Variants in SMPD3 observed in about 807,000 individuals in gnomAD.
SMPD3 encodes the protein sphingomyelin phosphodiesterase 3.
SMPD3 carries 21 observed loss-of-function variants against 55.7 expected under a neutral mutation model. The observed-to-expected ratio is 0.38, with a 90% CI of 0.27 to 0.54. The LOEUF is 0.54. SMPD3 is among the 20% of genes least tolerant of loss of function. The pLI is 0.80. For synonymous variants in SMPD3, 457 were observed against 404.3 expected, an observed-to-expected ratio of 1.13 and a Z score of -1.56; for missense variants, 842 against 899.6, an observed-to-expected ratio of 0.94 and a Z score of 0.82.
intron 1 of SMPD3, among the ~76,000 whole-genome samples, chr16:68,392,226 T>C (rs1467341527): frequency 6.6e-6 from 1 of 152,224 alleles, no homozygotes; most frequent in Non-Finnish European, 1.5e-5. Context: ...GCAAAAGTAA[T>C]AGACATTCCA....
intron 1 of SMPD3, among the ~76,000 whole-genome samples, chr16:68,431,689 A>G (rs1419583119): frequency 1.3e-5 from 2 of 152,252 alleles, no homozygotes; most frequent in Admixed American, 6.5e-5. Flanking sequence ...TGGGAGGCCA[A>G]GGCAGGCGGA....
chr16:68,410,588 C>T (rs547572017), intron 1 of SMPD3, among the ~76,000 whole-genome samples: 1 of 152,300 alleles, frequency 6.6e-6, no homozygotes, highest in East Asian at 1.9e-4. Flanking sequence ...ACCTAAGGCT[C>T]ATTAAAAAGC....
intron 1 of SMPD3, among the ~76,000 whole-genome samples, chr16:68,416,957 AG>A (rs2090344827): frequency 6.6e-6 from 1 of 151,910 alleles, no homozygotes; most frequent in African/African-American, 2.4e-5. Context: ...CAGTCACAAA[AG>A]CTGTACCCAA....
chr16:68,424,560 T>C (rs1393332095), intron 1 of SMPD3, among the ~76,000 whole-genome samples: 1 of 152,170 alleles, frequency 6.6e-6, no homozygotes, highest in Non-Finnish European at 1.5e-5. Context: ...GTAATCATAG[T>C]AGCTGCATCA....
intron 2 of SMPD3, among the ~76,000 whole-genome samples, chr16:68,373,554 C>T (rs550436525): frequency 2.2e-4 from 34 of 152,168 alleles, no homozygotes; most frequent in Non-Finnish European, 4.1e-4. Flanking sequence ...CATCCTGGCC[C>T]CACACCCTCT....
At chr16:68,361,836 T>TG in intron 7 of SMPD3, 77 bp from the exon 8 acceptor site, 4 of 1,254,758 alleles carry the variant, frequency 3.2e-6, no homozygotes, top group African/African-American at 1.5e-5. Flanking sequence ...TGTGGAGCCA[T>TG]GGTCTCCTCC....
rs141291806 is a variant in SMPD3, at chr16:68,371,425, C to A, written c.757G>T (p.Gly253Cys). 6.4e-7 allele frequency: 1 copy of A among 1,573,150 alleles called. No homozygotes were observed. ...CIVRIGGEEG[G>C]RPPEADDPVP... Reference sequence around the variant, plus strand: ...GGGTCGTCAGCTTCAGGTGGCCGGCCGCCCTCCTCGCCACCGATGCGCACG... The same window carrying A: ...GGGTCGTCAGCTTCAGGTGGCCGGCAGCCCTCCTCGCCACCGATGCGCACG... Residue 253 changes from glycine to cysteine, a missense_variant, in exon 3 of 9, where the codon GGC (glycine) becomes TGC (cysteine). Physicochemically the swap from Gly to Cys is radical, Grantham distance 159. Coordinates refer to ENST00000219334, the MANE Select transcript of SMPD3 (RefSeq NM_018667.4).
intron 1 of SMPD3, among the ~76,000 whole-genome samples, chr16:68,387,961 G>T (rs1002757984): frequency 1.3e-5 from 2 of 152,324 alleles, no homozygotes; most frequent in African/African-American, 4.8e-5. Context: ...CACAGAAAAG[G>T]CTTGGGCTCT....
At position 68,365,108 on chromosome 16, in the gene SMPD3, G is replaced by A. The variant is rs369930334; in HGVS notation, c.1324-16C>T. 126 of 1,613,386 alleles carry A rather than the reference G, an allele frequency of 7.8e-5. 1 individual carries two copies. Among genetic ancestry groups the A allele is most frequent in the Non-Finnish European group, 9.4e-5 (111 of 1,179,762 alleles). On this transcript the variant is annotated splice_polypyrimidine_tract_variant and intron_variant, in intron 3 of 8. Transcript: ENST00000219334. ...CCACCTGCACCTGGGGGAGGAGGGG[G>A]TCAGTGCTGCCACCTGCCAGTCACT...
intron 1 of SMPD3, among the ~76,000 whole-genome samples, chr16:68,412,065 T>C (rs1465211724): frequency 1.3e-5 from 2 of 152,142 alleles, no homozygotes; most frequent in South Asian, 4.1e-4. Context: ...GAAAGTGCAG[T>C]GCACGGGGCC....
chr16:68,361,857 G>A (rs1038168521), intron 7 of SMPD3, 98 bp from the exon 8 acceptor site: 3 of 1,314,660 alleles, frequency 2.3e-6, no homozygotes, highest in East Asian at 3.0e-5. Context: ...CAGTGTGGGA[G>A]CGGGTGGGTG....
At chr16:68,419,957 C>G (rs1240564600) in intron 1 of SMPD3, among the ~76,000 whole-genome samples, 1 of 148,328 alleles carries the variant, frequency 6.7e-6, no homozygotes, top group Non-Finnish European at 1.5e-5. Flanking sequence ...ATTATTGGAA[C>G]ATGTAGTATC....
chr16:68,422,222 T>C (rs1034530198), intron 1 of SMPD3, among the ~76,000 whole-genome samples: 4 of 152,208 alleles, frequency 2.6e-5, no homozygotes, highest in East Asian at 1.9e-4. Context: ...AACTGTAAGA[T>C]AACATATTCC....
At chr16:68,367,826 T>C (rs997027000) in intron 3 of SMPD3, 1 of 152,268 alleles carries the variant, frequency 6.6e-6, no homozygotes, top group Non-Finnish European at 1.5e-5. Context: ...GGCTGTGCCT[T>C]TGAGTCCTGG....
chr16:68,363,406 G>A, intron 7 of SMPD3, 90 bp downstream of exon 7: 2 of 1,430,202 alleles, frequency 1.4e-6, no homozygotes, highest in Non-Finnish European at 2.0e-6. Flanking sequence ...ATGAGCCCGA[G>A]CTGAGCTCTC....
In SMPD3 at chr16:68,363,554, G is replaced by C; in HGVS notation, c.1651C>G (p.Leu551Val). The C allele has an allele frequency of 6.2e-7, 1 of 1,613,742 alleles. No individual in the cohort carries two copies. Among genetic ancestry groups the C allele is most frequent in the Non-Finnish European group, 8.5e-7 (1 of 1,179,922 alleles). The change falls in exon 7 of 9, where the codon CTG (leucine) becomes GTG (valine). Residue 551 changes from leucine (L) to valine (V), a missense_variant. Transcript: ENST00000219334. ...TCGTACAGGCCGTTCGTGTCCAGCA[G>C]AGTACCTGGGGGGGACGAGGGGGTG... ...GEEKPWAIGT[L>V]LDTNGLYDED...
chr16:68,420,245 T>G (rs570406714), intron 1 of SMPD3, among the ~76,000 whole-genome samples: 3 of 152,178 alleles, frequency 2.0e-5, no homozygotes, highest in Non-Finnish European at 4.4e-5. Context: ...GCCCGGCCAT[T>G]ATTCTTATTA....
intron 1 of SMPD3, among the ~76,000 whole-genome samples, chr16:68,407,563 A>C (rs1219124405): frequency 6.6e-6 from 1 of 152,172 alleles, no homozygotes; most frequent in Non-Finnish European, 1.5e-5. Context: ...TCAAACTTCA[A>C]GCCTCAAAGG....
chr16:68,381,996 A>T (rs1381391679), intron 2 of SMPD3: 1 of 152,224 alleles, frequency 6.6e-6, no homozygotes, highest in Non-Finnish European at 1.5e-5. Flanking sequence ...GCCAGGCGGT[A>T]GGCTCACTCC....
Sources: allele counts gnomAD v4.1 joint callset (sites outside exome capture counted in the v4.1 genomes callset), GRCh38; gene constraint gnomAD v4.1.1; transcripts MANE v1.5; gene names NCBI Gene and HGNC (gene_info 2026-07-23, HGNC 2026-07-21).